DMRT3: variants seen among roughly 807,000 people sequenced by gnomAD.
The protein encoded by DMRT3 is doublesex- and mab-3-related transcription factor 3.
A neutral mutation model predicts 34.9 loss-of-function variants in DMRT3; 29 were observed. The observed-to-expected ratio is 0.83, with a 90% CI of 0.62 to 1.13. DMRT3 has a LOEUF of 1.13. DMRT3 is among the 50% of genes most tolerant of loss of function. DMRT3 has a pLI of 0.00. For missense variants in DMRT3, 772 were observed against 629.1 expected, an observed-to-expected ratio of 1.23 and a Z score of -2.43; for synonymous variants, 350 against 286.0, an observed-to-expected ratio of 1.22 and a Z score of -2.26.
intron 1 of DMRT3, among the ~76,000 whole-genome samples, chr9:985,746 G>C (rs962643190): frequency 6.6e-6 from 1 of 152,196 alleles, no homozygotes; most frequent in Non-Finnish European, 1.5e-5. Context: ...TTAGAGGCTA[G>C]TCTTCCTTTG....
intron 1 of DMRT3, among the ~76,000 whole-genome samples, chr9:983,514 T>C (rs1028671199): frequency 6.6e-6 from 1 of 152,220 alleles, no homozygotes; most frequent in African/African-American, 2.4e-5. Context: ...GTAAACTGTA[T>C]GCCTCTCAGT....
intron 1 of DMRT3, among the ~76,000 whole-genome samples, chr9:981,130 G>A (rs955265570): frequency 2.0e-5 from 3 of 152,142 alleles, no homozygotes; most frequent in African/African-American, 7.2e-5. Flanking sequence ...TAACTATAGG[G>A]GGAGAAGTTA....
intron 1 of DMRT3, among the ~76,000 whole-genome samples, chr9:986,800 A>G (rs1039633179): frequency 1.3e-5 from 2 of 151,498 alleles, no homozygotes; most frequent in Non-Finnish European, 2.9e-5. Context: ...CTGACGCGGG[A>G]GAATCACTTG....
Position 980,129 on chromosome 9 carries a change from C to T in DMRT3, c.454+2674C>T, listed in dbSNP as rs188115692. ...TAAACAGAAGCACATGGAGTCTTTC[C>T]TCTCCAGAAATCTTTGAGAAAAGCA... On this transcript the variant is annotated intron_variant, in intron 1 of 1. Coordinates refer to ENST00000190165, the MANE Select transcript of DMRT3 (RefSeq NM_021240.4). Among the ~76,000 whole-genome samples, 477 of 152,190 alleles carry T rather than the reference C, an allele frequency of 3.1e-3. 4 individuals carry two copies. The highest frequency in any genetic ancestry group is 0.011 in the African/African-American group (455 of 41,516).
intron 1 of DMRT3, among the ~76,000 whole-genome samples, chr9:982,265 G>A (rs951428720): frequency 1.3e-5 from 2 of 152,178 alleles, no homozygotes; most frequent in Non-Finnish European, 2.9e-5. Flanking sequence ...TGGCGTCAGG[G>A]AGGTGCTGGG....
At chr9:984,674 G>A (rs1190223957) in intron 1 of DMRT3, among the ~76,000 whole-genome samples, 1 of 152,024 alleles carries the variant, frequency 6.6e-6, no homozygotes, top group Non-Finnish European at 1.5e-5. Context: ...TAGCCAGATG[G>A]TCTTGATCTC....
chr9:978,901 C>G (rs1473072996), intron 1 of DMRT3, among the ~76,000 whole-genome samples: 4 of 152,158 alleles, frequency 2.6e-5, no homozygotes, highest in African/African-American at 4.8e-5. Context: ...ATGGATTTGT[C>G]ACAGACGAAG....
intron 1 of DMRT3, among the ~76,000 whole-genome samples, chr9:986,206 G>T (rs1201083153): frequency 2.6e-5 from 4 of 152,152 alleles, no homozygotes; most frequent in Non-Finnish European, 5.9e-5. Context: ...ACTGACATAA[G>T]ATTCCACTAC....
Position 990,825 on chromosome 9 carries a change from T to C in DMRT3, c.1239T>C (p.Ser413=). 1.2e-6 allele frequency: 2 copies of C among 1,614,148 alleles called. No homozygotes were observed. Among genetic ancestry groups the C allele is most frequent in the Non-Finnish European group, 8.5e-7 (1 of 1,180,034 alleles). ...LRSQYVSPFP[S]NSTSVFRSSP... is the part of the protein sequence containing the mutation. ...CCCAGTATGTCAGTCCTTTCCCCAG[T>C]AACTCTACCAGCGTCTTCAGAAGCT... The change falls in exon 2 of 2, where the codon AGT becomes AGC. Residue 413 remains serine (S), a synonymous_variant. Transcript: ENST00000190165.
chr9:986,333 GA>G (rs139004822), intron 1 of DMRT3, among the ~76,000 whole-genome samples: 5,166 of 146,348 alleles, frequency 0.035, 292 homozygotes, highest in African/African-American at 0.12. Flanking sequence ...TTGCTACCTT[GA>G]AAAAAAAAAG....
At position 984,622 on chromosome 9, in the gene DMRT3, A is replaced by AT. The variant is rs961918245; in HGVS notation, c.455-5410dup. Among the ~76,000 whole-genome samples the AT allele has an allele frequency of 5.7e-3, 865 of 150,606 alleles. 4 individuals carry two copies. Among genetic ancestry groups the AT allele is most frequent in the African/African-American group, 0.019 (774 of 41,020 alleles). ...CAGGCACCTGCCACCATGCTCGGCT[A>AT]TTTTTTTTTGTATTTTTAGTAGAGA... On this transcript the variant is annotated intron_variant, in intron 1 of 1. Coordinates refer to ENST00000190165, the MANE Select transcript of DMRT3 (RefSeq NM_021240.4).
intron 1 of DMRT3, among the ~76,000 whole-genome samples, chr9:985,438 C>G (rs1301724330): frequency 6.6e-6 from 1 of 152,114 alleles, no homozygotes; most frequent in Non-Finnish European, 1.5e-5. Flanking sequence ...ATTTCTATGT[C>G]TAGAAAGGCC....
chr9:989,581 C>T (rs10816185), intron 1 of DMRT3, among the ~76,000 whole-genome samples: 4,082 of 152,216 alleles, frequency 0.027, 101 homozygotes, highest in East Asian at 0.1. Context: ...ATTAAAATTC[C>T]CTGTGGGTAT....
At chr9:979,555 C>A (rs1422395609) in intron 1 of DMRT3, among the ~76,000 whole-genome samples, 1 of 152,108 alleles carries the variant, frequency 6.6e-6, no homozygotes, top group African/African-American at 2.4e-5. Context: ...CATTGATGTA[C>A]ACAACTTTTG....
chr9:981,692 G>GAC (rs1378679396), intron 1 of DMRT3, among the ~76,000 whole-genome samples: 1 of 152,160 alleles, frequency 6.6e-6, no homozygotes, highest in Non-Finnish European at 1.5e-5. Context: ...CCAGGACTGG[G>GAC]ACCCTGGCCA....
intron 1 of DMRT3, among the ~76,000 whole-genome samples, chr9:978,601 T>G (rs1267700472): frequency 6.6e-6 from 1 of 152,204 alleles, no homozygotes; most frequent in Non-Finnish European, 1.5e-5. Flanking sequence ...AGCCCAGGAC[T>G]GCTTTGTCTG....
At chr9:988,983 G>T (rs999109419) in intron 1 of DMRT3, among the ~76,000 whole-genome samples, 3 of 152,168 alleles carry the variant, frequency 2.0e-5, no homozygotes, top group African/African-American at 7.2e-5. Flanking sequence ...TGTGTGCTTA[G>T]CCCTGCAATA....
rs1248917763 is a variant in DMRT3 at position 991,097 on chromosome 9, T to C, written c.*92T>C. The C allele has an allele frequency of 6.8e-7, 1 of 1,466,944 alleles. No individual in the cohort carries two copies. The highest frequency in any genetic ancestry group is 1.4e-5 in the African/African-American group (1 of 70,870). 90.9% of individuals were successfully genotyped at this position (1,466,944 alleles called of 1,614,324 possible). On this transcript the variant is annotated 3_prime_UTR_variant, in exon 2 of 2. Coordinates refer to ENST00000190165, the MANE Select transcript of DMRT3 (RefSeq NM_021240.4). ...AGAGGCCACATCTTGTGTATGCCCT[T>C]TCCTTCTGTTTGACAAAGTGACTGT...
intron 1 of DMRT3, among the ~76,000 whole-genome samples, chr9:980,864 C>T (rs1369608304): frequency 6.6e-6 from 1 of 152,118 alleles, no homozygotes; most frequent in East Asian, 1.9e-4. Flanking sequence ...CCCTTCCCTA[C>T]CCCCAACTTT....
Sources: gnomAD v4.1 joint callset for allele counts (sites outside exome capture counted in the v4.1 genomes callset) on GRCh38, gnomAD v4.1.1 for gene constraint, MANE v1.5 for transcripts, NCBI Gene and HGNC (gene_info 2026-07-23, HGNC 2026-07-21) for gene names.